The following YY1 variants were observed in gnomAD, a reference collection of about 807,000 sequenced individuals.
YY1 encodes transcriptional repressor protein YY1.
A neutral mutation model predicts 35.6 loss-of-function variants in YY1; 2 were observed. The ratio of observed to expected loss-of-function variants is 0.06; its 90% CI spans 0.02 to 0.18. The LOEUF is 0.18. Ranked by LOEUF, YY1 falls within the 10% of genes least tolerant of loss-of-function variation. The pLI is 1.00. For synonymous variants in YY1, 268 were observed against 238.9 expected (o/e 1.12, Z -1.12); for missense variants, 322 against 573.4 (o/e 0.56, Z 4.48).
intron 3 of YY1, among the ~76,000 whole-genome samples, chr14:100,275,234 T>A (rs1297936982): frequency 6.6e-6 from 1 of 152,196 alleles, no homozygotes; most frequent in Non-Finnish European, 1.5e-5. Flanking sequence ...AAAGTACTTT[T>A]GAGATATTTG....
intron 1 of YY1, among the ~76,000 whole-genome samples, chr14:100,248,084 A>G (rs1402350981): frequency 6.7e-6 from 1 of 149,304 alleles, no homozygotes; most frequent in Non-Finnish European, 1.5e-5. Flanking sequence ...AGCTGGGATT[A>G]CAGGTGTGCA....
intron 2 of YY1, among the ~76,000 whole-genome samples, chr14:100,268,072 C>T (rs148830806): frequency 2.3e-3 from 344 of 152,334 alleles, no homozygotes; most frequent in Non-Finnish European, 4.0e-3. Flanking sequence ...TCGCTAATTA[C>T]GGCCCATAGA....
Position 100,277,778 on chromosome 14 carries a change from G to A in YY1, c.*178G>A. On this transcript the variant is annotated 3_prime_UTR_variant, in exon 5 of 5. Transcript: ENST00000262238. This position sits in a 1 kb window ranked among gnomAD's most constrained non-coding sequence, Gnocchi z 5.6. Reference sequence around the variant, plus strand: ...AATTAAAAAAAAAAAACTTTACTAAGATGACATTGCTAAGATGCTCTATCT... The same window carrying A: ...AATTAAAAAAAAAAAACTTTACTAAAATGACATTGCTAAGATGCTCTATCT... 4 of 693,662 alleles carry A rather than the reference G, an allele frequency of 5.8e-6. No homozygotes were observed. Among genetic ancestry groups the A allele is most frequent in the Non-Finnish European group, 9.4e-6 (4 of 423,894 alleles). 43.0% of individuals were successfully genotyped at this position (693,662 alleles called of 1,614,324 possible).
intron 2 of YY1, among the ~76,000 whole-genome samples, chr14:100,262,972 A>G (rs532226339): frequency 3.3e-5 from 5 of 152,218 alleles, no homozygotes; most frequent in South Asian, 2.1e-4. Context: ...CAGTGGTGCA[A>G]TCTCAGCTCA....
intron 2 of YY1, among the ~76,000 whole-genome samples, chr14:100,263,052 C>G: frequency 6.6e-6 from 1 of 152,192 alleles, no homozygotes. Flanking sequence ...GGATTACATG[C>G]GTGTGCCACC....
At chr14:100,275,420 C>A (rs942745049) in intron 3 of YY1, among the ~76,000 whole-genome samples, 1 of 152,196 alleles carries the variant, frequency 6.6e-6, no homozygotes, top group Non-Finnish European at 1.5e-5. Flanking sequence ...TGTGCACTAG[C>A]AAGTCCTTCC....
At chr14:100,269,422 A>C (rs533378947) in intron 2 of YY1, among the ~76,000 whole-genome samples, 4 of 152,178 alleles carry the variant, frequency 2.6e-5, no homozygotes, top group Non-Finnish European at 4.4e-5. Flanking sequence ...CATAATGTCT[A>C]TGCTGTTGTC....
chr14:100,248,135 T>TTTTTTTTTA (rs1890862914), intron 1 of YY1, among the ~76,000 whole-genome samples: 2 of 148,864 alleles, frequency 1.3e-5, no homozygotes, highest in Admixed American at 6.7e-5. Flanking sequence ...TTTTTTTTTT[T>TTTTTTTTTA]GAGACAGTCT....
rs997258895 is a variant in YY1, at chr14:100,282,526, G to A, written c.*4926G>A. 1 of 152,154 alleles carries A rather than the reference G, an allele frequency of 6.6e-6. No individual in the cohort carries two copies. The highest frequency in any genetic ancestry group is 6.5e-5 in the Admixed American group (1 of 15,278). The allele number at this position is 152,154 out of a possible 1,614,324, so 9.4% of individuals were successfully genotyped here. The stretch of plus-strand genomic sequence containing the variant: ...AAAATTATGTTTTTATTCGCTTTCT[G>A]GTAACTTCTGTAGGCCCTGGCTCAA... On this transcript the variant is annotated 3_prime_UTR_variant, in exon 5 of 5. Coordinates refer to ENST00000262238, the MANE Select transcript of YY1 (RefSeq NM_003403.5).
chr14:100,260,771 CTTTTTT>C (rs71113254), intron 1 of YY1, among the ~76,000 whole-genome samples: 5 of 42,556 alleles, frequency 1.2e-4, no homozygotes, highest in South Asian at 1.1e-3. Context: ...GTGCCTGGTC[CTTTTTT>C]TTTTTTTTTT....
chr14:100,271,985 T>C (rs1048016796), intron 2 of YY1, among the ~76,000 whole-genome samples: 16 of 152,132 alleles, frequency 1.1e-4, no homozygotes. Flanking sequence ...GGATGCTCAA[T>C]CTATAATCCA....
intron 2 of YY1, among the ~76,000 whole-genome samples, chr14:100,272,948 T>TTG (rs1891263802): frequency 1.2e-5 from 1 of 80,272 alleles, no homozygotes; most frequent in South Asian, 6.7e-4. Context: ...CAGCTAGTTT[T>TTG]TTGTTGTTTT....
rs1891325091 is a variant in YY1, at chr14:100,276,752, G to A, written c.1062+104G>A. 1.3e-6 allele frequency: 2 copies of A among 1,558,250 alleles called. No homozygotes were observed. Among genetic ancestry groups the A allele is most frequent in the Non-Finnish European group, 1.8e-6 (2 of 1,140,746 alleles). On this transcript the variant is annotated intron_variant, in intron 4 of 4. Transcript: ENST00000262238. This position sits in a 1 kb window ranked among gnomAD's most constrained non-coding sequence, Gnocchi z 4.1. ...AGGAGGCGCCAGCCCAGAGACTCAG[G>A]GTCTTATTACTCCTTGGTGAGAAAC...
At chr14:100,249,396 A>G (rs1208472909) in intron 1 of YY1, among the ~76,000 whole-genome samples, 1 of 152,058 alleles carries the variant, frequency 6.6e-6, no homozygotes, top group Non-Finnish European at 1.5e-5. Context: ...CTGGGATTAC[A>G]GGCGTGAGAC....
intron 2 of YY1, among the ~76,000 whole-genome samples, chr14:100,263,582 C>T (rs978504514): frequency 6.6e-6 from 1 of 152,202 alleles, no homozygotes; most frequent in African/African-American, 2.4e-5. Flanking sequence ...AACTAATAAA[C>T]TCTGGAGCAG....
chr14:100,269,976 T>C (rs1891210018), intron 2 of YY1, among the ~76,000 whole-genome samples: 1 of 152,080 alleles, frequency 6.6e-6, no homozygotes, highest in Middle Eastern at 3.4e-3. Flanking sequence ...TTTAAAAAAT[T>C]AAGTGGCCAG....
rs1342293163 is a variant in YY1, at chr14:100,280,620, A to G, written c.*3020A>G. On this transcript the variant is annotated 3_prime_UTR_variant, in exon 5 of 5. Coordinates refer to ENST00000262238, the MANE Select transcript of YY1 (RefSeq NM_003403.5). The stretch of plus-strand genomic sequence containing the variant: ...GGAAAATCGGGATTTTTTTTTTCCT[A>G]TTTGGTTTTCATGTAAAAGTTCTAA... The G allele has an allele frequency of 1.3e-5, 2 of 151,140 alleles. No homozygotes were observed. Among genetic ancestry groups the G allele is most frequent in the African/African-American group, 4.9e-5 (2 of 41,122 alleles). 9.4% of individuals were successfully genotyped at this position (151,140 alleles called of 1,614,324 possible). A position where few individuals can be genotyped will look rare whatever the true frequency, so the allele number is the denominator to read the frequency against.
Position 100,279,378 on chromosome 14 carries a change from A to T in YY1, c.*1778A>T, listed in dbSNP as rs1158266233. ...TTCTCCATCGGTCCTGTACAGGAGG[A>T]TTGGTGACCTACTAACAGTGACCCT... On this transcript the variant is annotated 3_prime_UTR_variant, in exon 5 of 5. Transcript: ENST00000262238. 6.6e-6 allele frequency: 1 copy of T among 152,218 alleles called. No individual in the cohort carries two copies. The highest frequency in any genetic ancestry group is 1.5e-5 in the Non-Finnish European group (1 of 68,036). The allele number at this position is 152,218 out of a possible 1,614,324, so 9.4% of individuals were successfully genotyped here.
rs970816253 is a variant in YY1, at chr14:100,280,314, T to G, written c.*2714T>G. 3 of 152,242 alleles carry G rather than the reference T, an allele frequency of 2.0e-5. No individual in the cohort carries two copies. Among genetic ancestry groups the G allele is most frequent in the Non-Finnish European group, 4.4e-5 (3 of 68,042 alleles). The allele number at this position is 152,242 out of a possible 1,614,324, so 9.4% of individuals were successfully genotyped here. On this transcript the variant is annotated 3_prime_UTR_variant, in exon 5 of 5. Transcript: ENST00000262238. ...GATTTATAAGTAATACTGATAGACA[T>G]ATTTTCGTACATCTGAGCAGAAATA...
Sources: gnomAD v4.1 joint callset for allele counts (sites outside exome capture counted in the v4.1 genomes callset) on GRCh38, gnomAD v4.1.1 for gene constraint, Gnocchi (gnomAD v3.1) non-coding constraint, MANE v1.5 for transcripts, NCBI Gene and HGNC (gene_info 2026-07-23, HGNC 2026-07-21) for gene names.